IFRD1: variants seen among roughly 807,000 people sequenced by gnomAD.
The protein encoded by IFRD1 is interferon related developmental regulator 1.
A neutral mutation model predicts 52.9 loss-of-function variants in IFRD1; 35 were observed. That is an observed-to-expected ratio of 0.66 (90% CI 0.51 to 0.88). The LOEUF (loss-of-function observed/expected upper bound fraction) is 0.88, where lower values mean the gene tolerates loss of function less well. IFRD1 is among the 40% of genes least tolerant of loss of function. The probability of loss-of-function intolerance (pLI) is 0.00; values close to 1 mark genes in which losing one functional copy is unlikely to be tolerated. For synonymous variants in IFRD1, 184 were observed against 188.4 expected (o/e 0.98, Z 0.19); for missense variants, 517 against 550.8 (o/e 0.94, Z 0.61).
At chr7:112,452,173 A>C (rs895142765) in intron 1 of IFRD1, 23 of 900,668 alleles carry the variant, frequency 2.6e-5, no homozygotes, top group Non-Finnish European at 3.0e-5. Context: ...TTTTTTGTTA[A>C]GGGAAAGAGG....
At chr7:112,455,723 G>A (rs758588115) in intron 1 of IFRD1, 40 bp from the exon 2 acceptor site, 1 of 1,306,724 alleles carries the variant, frequency 7.7e-7, no homozygotes, top group East Asian at 2.3e-5. Context: ...TAGGTATATG[G>A]CAATAAAATA....
rs147627602 is a variant in IFRD1 at position 112,451,175 on chromosome 7, T to C, written c.94+393T>C. The C allele has an allele frequency of 1.6e-4, 30 of 191,630 alleles. No individual in the cohort carries two copies. In the East Asian group the frequency reaches 4.4e-3, roughly 28 times the overall value. The allele number at this position is 191,630 out of a possible 1,614,324, so 11.9% of individuals were successfully genotyped here. A position where few individuals can be genotyped will look rare whatever the true frequency, so the allele number is the denominator to read the frequency against. On this transcript the variant is annotated intron_variant, in intron 1 of 11. Transcript: ENST00000403825. Reference sequence around the variant, plus strand: ...CGGGGAGTTGAGCCCGTGCCGTCACTGGCCGCCTTTGACACCCTGGCTCCA... The same window carrying C: ...CGGGGAGTTGAGCCCGTGCCGTCACCGGCCGCCTTTGACACCCTGGCTCCA...
chr7:112,467,845 C>G (rs1795649712), intron 8 of IFRD1, 136 bp from the exon 9 acceptor site: 1 of 832,864 alleles, frequency 1.2e-6, no homozygotes, highest in South Asian at 1.5e-5. Flanking sequence ...TGTGCCTAGT[C>G]CCTAAATACC....
At chr7:112,424,183 T>C (rs2520481) in intron 1 of IFRD1, among the ~76,000 whole-genome samples, 80,647 of 151,870 alleles carry the variant, frequency 0.53, 24,161 homozygotes, top group African/African-American at 0.82. Flanking sequence ...TTATCTACCC[T>C]GTGGTCGAGC....
In IFRD1 at chr7:112,451,485, C is replaced by G. The variant is rs201413811; in HGVS notation, c.94+703C>G. On this transcript the variant is annotated intron_variant, in intron 1 of 11. Coordinates refer to ENST00000403825, the MANE Select transcript of IFRD1 (RefSeq NM_001550.4). ...TGCTCACGGGGGGAAGAAACGCGTT[C>G]TCCTTTGTGCTGCATTCTATATGTT... Among the ~76,000 whole-genome samples the G allele has an allele frequency of 8.5e-5, 13 of 152,318 alleles. No individual in the cohort carries two copies. The East Asian group carries it at 2.3e-3, about 27-fold the overall frequency.
At chr7:112,459,111 G>A (rs1049529898) in intron 5 of IFRD1, 93 bp downstream of exon 5, 1 of 1,065,916 alleles carries the variant, frequency 9.4e-7, no homozygotes, top group Non-Finnish European at 1.4e-6. Flanking sequence ...TCAAGAGGCT[G>A]AGGCAAGAGA....
At chr7:112,449,629 G>A (rs1464383672), upstream of IFRD1, among the ~76,000 whole-genome samples, 1 of 152,154 alleles carries the variant, frequency 6.6e-6, no homozygotes, top group Non-Finnish European at 1.5e-5. Flanking sequence ...TGAGAAAAAA[G>A]GCAGCACTGC....
intron 9 of IFRD1, among the ~76,000 whole-genome samples, chr7:112,471,382 T>A (rs577179033): frequency 6.6e-6 from 1 of 152,290 alleles, no homozygotes; most frequent in Non-Finnish European, 1.5e-5. Flanking sequence ...ATATACTTTG[T>A]CTGCTGAGTG....
At chr7:112,451,040 G>A in intron 1 of IFRD1, 1 of 526,566 alleles carries the variant, frequency 1.9e-6, no homozygotes, top group Admixed American at 3.3e-5. Flanking sequence ...GCCTGAGAGT[G>A]TGTCGGGACA....
chr7:112,451,151 G>A (rs562634932), intron 1 of IFRD1: 2 of 228,134 alleles, frequency 8.8e-6, no homozygotes, highest in East Asian at 1.3e-4. Context: ...GGGGAAGAAC[G>A]GGGAGTTGAG....
intron 1 of IFRD1, among the ~76,000 whole-genome samples, chr7:112,440,135 G>A (rs1391271628): frequency 1.3e-5 from 2 of 152,068 alleles, no homozygotes; most frequent in Non-Finnish European, 2.9e-5. Flanking sequence ...ACAGGCGTTC[G>A]CCACCATGCC....
intron 1 of IFRD1, among the ~76,000 whole-genome samples, chr7:112,437,724 G>A (rs1315025873): frequency 6.6e-6 from 1 of 151,422 alleles, no homozygotes; most frequent in Non-Finnish European, 1.5e-5. Context: ...GATGAAAGTG[G>A]GGGCTGGAAA....
intron 1 of IFRD1, among the ~76,000 whole-genome samples, chr7:112,431,892 T>C (rs1794555107): frequency 6.6e-6 from 1 of 152,258 alleles, no homozygotes; most frequent in Non-Finnish European, 1.5e-5. Flanking sequence ...TTGATATAGA[T>C]GTACTTGTTC....
At chr7:112,451,266 G>A (rs1795155574) in intron 1 of IFRD1, 1 of 163,376 alleles carries the variant, frequency 6.1e-6, no homozygotes, top group East Asian at 1.9e-4. Flanking sequence ...ACGCGGCCTG[G>A]GCCTTGCGCG....
chr7:112,470,736 T>C (rs974474498), intron 9 of IFRD1, among the ~76,000 whole-genome samples: 3 of 152,254 alleles, frequency 2.0e-5, no homozygotes, highest in African/African-American at 7.2e-5. Context: ...GCATATAACC[T>C]ATGCACGTAT....
chr7:112,456,793 A>T (rs960375108), intron 3 of IFRD1, 121 bp from the exon 4 acceptor site: 1 of 885,944 alleles, frequency 1.1e-6, no homozygotes, highest in Non-Finnish European at 1.8e-6. Flanking sequence ...TTAGAGCTTG[A>T]TGAGAATTAG....
chr7:112,470,353 C>T (rs1041687036), intron 9 of IFRD1, among the ~76,000 whole-genome samples: 7 of 152,082 alleles, frequency 4.6e-5, no homozygotes, highest in African/African-American at 1.2e-4. Context: ...CACTTAGGTC[C>T]GTCGATTAGG....
intron 1 of IFRD1, among the ~76,000 whole-genome samples, chr7:112,438,917 A>C (rs1794785896): frequency 6.6e-6 from 1 of 152,206 alleles, no homozygotes; most frequent in Non-Finnish European, 1.5e-5. Flanking sequence ...CCGTTGACAG[A>C]AAAATGGATT....
In IFRD1 at chr7:112,465,489, G is replaced by A. The variant is rs535715539; in HGVS notation, c.907-2492G>A. Among the ~76,000 whole-genome samples, 22 of 152,266 alleles carry A rather than the reference G, an allele frequency of 1.4e-4. 1 individual carries two copies. In the South Asian group the frequency reaches 4.4e-3, roughly 30 times the overall value. On this transcript the variant is annotated intron_variant, in intron 8 of 11. Transcript: ENST00000403825. ...ATAATTATCTTCAGCTGACCAGTTT[G>A]TTGTATTTATATTGTGTTAGATTCT... is the stretch of plus-strand genomic sequence containing the variant.
Sources: allele counts gnomAD v4.1 joint callset (sites outside exome capture counted in the v4.1 genomes callset), GRCh38; gene constraint gnomAD v4.1.1; transcripts MANE v1.5; gene names NCBI Gene and HGNC (gene_info 2026-07-23, HGNC 2026-07-21).